TRIM24: variants seen among roughly 807,000 people sequenced by gnomAD.
TRIM24 encodes tripartite motif containing 24, also known as transcription intermediary factor 1-alpha.
TRIM24 carries 29 observed loss-of-function variants against 123.9 expected under a neutral mutation model. The ratio of observed to expected loss-of-function variants is 0.23; its 90% confidence interval spans 0.17 to 0.32. The LOEUF (loss-of-function observed/expected upper bound fraction) is 0.32, where lower values mean the gene tolerates loss of function less well. Ranked by LOEUF, TRIM24 falls within the 10% of genes least tolerant of loss-of-function variation. TRIM24 has a pLI of 1.00. For synonymous variants in TRIM24, 456 were observed against 461.1 expected (o/e 0.99, Z 0.14); for missense variants, 932 against 1,295.3 (o/e 0.72, Z 4.31).
Position 138,583,901 on chromosome 7 carries a change from A to T in TRIM24, c.2845A>T (p.Lys949Ter), listed in dbSNP as rs1337807458. Residue 949 changes from lysine (K) to a stop codon, truncating the protein, a stop_gained, in exon 18 of 19, where the codon AAG becomes TAG. Coordinates refer to ENST00000343526, the MANE Select transcript of TRIM24 (RefSeq NM_015905.3). LOFTEE classifies it high-confidence loss of function. ...AAATCCAATGGATTTGTCAACCATC[A>T]AGAAAAGACTACAAGAAGATTATTC... ...IKNPMDLSTI[K>*]KRLQEDYSMY... 1 of 1,600,316 alleles carries T rather than the reference A, an allele frequency of 6.2e-7. No homozygotes were observed. The highest frequency in any genetic ancestry group is 8.5e-7 in the Non-Finnish European group (1 of 1,174,982).
rs1467648650 is a variant in TRIM24 at position 138,529,169 on chromosome 7, C to T, written c.935C>T (p.Ala312Val). The T allele has an allele frequency of 1.3e-6, 2 of 1,578,780 alleles. No homozygotes were observed. The highest frequency in any genetic ancestry group is 8.6e-7 in the Non-Finnish European group (1 of 1,166,076). Reference sequence around the variant, plus strand: ...CAGGTGGAACAGGATATTAAAGTTGCTATATTTACACTGATGGTAGAAATA... The same window carrying T: ...CAGGTGGAACAGGATATTAAAGTTGTTATATTTACACTGATGGTAGAAATA... ...QKQVEQDIKV[A>V]IFTLMVEINK... The change falls in exon 6 of 19, where the codon GCT (alanine) becomes GTT (valine). Residue 312 changes from alanine to valine, a missense_variant. Physicochemically the swap from Ala to Val is moderately conservative, Grantham distance 64. Around this residue, in one of 7 missense-constraint regions of TRIM24, gnomAD observed 527 missense variants for 691.3 expected, o/e 0.76. Coordinates refer to ENST00000343526, the MANE Select transcript of TRIM24 (RefSeq NM_015905.3).
At chr7:138,521,713 A>G (rs1457061092) in intron 4 of TRIM24, among the ~76,000 whole-genome samples, 1 of 152,224 alleles carries the variant, frequency 6.6e-6, no homozygotes, top group East Asian at 1.9e-4. Flanking sequence ...TTTATGAGAA[A>G]TATCTAAAAA....
chr7:138,524,016 G>C (rs1796559533), intron 4 of TRIM24, among the ~76,000 whole-genome samples: 1 of 151,940 alleles, frequency 6.6e-6, no homozygotes, highest in African/African-American at 2.4e-5. Flanking sequence ...TTTTGGGACA[G>C]TGTAATCACA....
intron 9 of TRIM24, among the ~76,000 whole-genome samples, chr7:138,561,728 C>T (rs2116650654): frequency 6.6e-6 from 1 of 152,290 alleles, no homozygotes; most frequent in East Asian, 1.9e-4. Context: ...CCTTTTCACT[C>T]ATGGACATAT....
chr7:138,584,546 GCTTTTA>G (rs1293986386), intron 18 of TRIM24, among the ~76,000 whole-genome samples, 190 bp from the exon 19 acceptor site: 4 of 152,152 alleles, frequency 2.6e-5, no homozygotes, highest in African/African-American at 9.6e-5. Flanking sequence ...AATAATCCAG[GCTTTTA>G]CTTTTATCTT....
intron 1 of TRIM24, among the ~76,000 whole-genome samples, chr7:138,486,741 C>T (rs1184104749): frequency 6.6e-6 from 1 of 152,104 alleles, no homozygotes; most frequent in Non-Finnish European, 1.5e-5. Context: ...TTACTGTAGC[C>T]TTGTAGTGTA....
intron 2 of TRIM24, among the ~76,000 whole-genome samples, chr7:138,510,226 G>A (rs1796256807): frequency 6.6e-6 from 1 of 152,196 alleles, no homozygotes; most frequent in Non-Finnish European, 1.5e-5. Flanking sequence ...TGTTAGACTC[G>A]AATGTGAAAC....
At chr7:138,468,489 A>G (rs947864013) in intron 1 of TRIM24, among the ~76,000 whole-genome samples, 1 of 151,234 alleles carries the variant, frequency 6.6e-6, no homozygotes, top group African/African-American at 2.4e-5. Flanking sequence ...ATGTGTTTGA[A>G]TGGTATATTT....
chr7:138,502,480 G>A (rs1796063176), intron 1 of TRIM24, among the ~76,000 whole-genome samples: 1 of 152,170 alleles, frequency 6.6e-6, no homozygotes, highest in East Asian at 1.9e-4. Context: ...TCAATGAAGA[G>A]GGCTAATCTA....
chr7:138,481,078 T>C (rs918225603), intron 1 of TRIM24, among the ~76,000 whole-genome samples: 2 of 152,112 alleles, frequency 1.3e-5, no homozygotes, highest in African/African-American at 4.8e-5. Context: ...CTGCAACCTC[T>C]GACCCCCAGG....
intron 2 of TRIM24, among the ~76,000 whole-genome samples, chr7:138,513,453 G>A (rs1796330349): frequency 6.6e-6 from 1 of 152,142 alleles, no homozygotes; most frequent in South Asian, 2.1e-4. Context: ...ATTGGCCCAT[G>A]GTTCTTCAGG....
At chr7:138,584,096 A>G in intron 18 of TRIM24, 97 bp downstream of exon 18, 1 of 1,367,628 alleles carries the variant, frequency 7.3e-7, no homozygotes, top group Non-Finnish European at 9.8e-7. Flanking sequence ...AAGATGTCTG[A>G]GTTAGAATAA....
At chr7:138,481,029 G>T (rs181265332) in intron 1 of TRIM24, among the ~76,000 whole-genome samples, 1 of 151,616 alleles carries the variant, frequency 6.6e-6, no homozygotes, top group African/African-American at 2.4e-5. Context: ...TTTCACTCTT[G>T]TTGCTCAGGC....
Position 138,585,043 on chromosome 7 carries a change from G to GTCACAAACTCTTC in TRIM24, c.*93_*94insCACAAACTCTTCT. ...ATTTAACATCACTACAAAAAGAAGA[G>GTCACAAACTCTTC]TTTGTGACTATTCTCATCTCTGTTT... On this transcript the variant is annotated 3_prime_UTR_variant, in exon 19 of 19. Transcript: ENST00000343526. 8.9e-7 allele frequency: 1 copy of GTCACAAACTCTTC among 1,123,980 alleles called. No individual in the cohort carries two copies. Among genetic ancestry groups the GTCACAAACTCTTC allele is most frequent in the Non-Finnish European group, 1.3e-6 (1 of 795,880 alleles). 69.6% of individuals were successfully genotyped at this position (1,123,980 alleles called of 1,614,324 possible).
At chr7:138,516,596 C>A (rs540211256) in intron 3 of TRIM24, among the ~76,000 whole-genome samples, 260 of 152,208 alleles carry the variant, frequency 1.7e-3, no homozygotes, top group African/African-American at 6.0e-3. Flanking sequence ...CTCAAGTAAT[C>A]CGCCAGCCTT....
In TRIM24 at chr7:138,586,063, A is replaced by AAT. The variant is rs1477977406; in HGVS notation, c.*1113_*1114dup. The AAT allele has an allele frequency of 2.4e-6, 1 of 419,394 alleles. No individual in the cohort carries two copies. The highest frequency in any genetic ancestry group is 2.1e-5 in the African/African-American group (1 of 48,646). The allele number at this position is 419,394 out of a possible 1,614,324, so 26.0% of individuals were successfully genotyped here. A position where few individuals can be genotyped will look rare whatever the true frequency, so the allele number is the denominator to read the frequency against. On this transcript the variant is annotated 3_prime_UTR_variant, in exon 19 of 19. Transcript: ENST00000343526. ...TTTTGAGAGTCAGAACATCAAACTT[A>AAT]ATCTTTGATCTGACTTCTGATTTTA... is the stretch of plus-strand genomic sequence containing the variant.
At chr7:138,534,627 C>T (rs1210450377) in intron 6 of TRIM24, among the ~76,000 whole-genome samples, 4 of 152,226 alleles carry the variant, frequency 2.6e-5, no homozygotes, top group South Asian at 2.1e-4. Context: ...GAGTGCATTA[C>T]TTCCAACTGT....
At chr7:138,516,369 T>G (rs1308204025) in intron 3 of TRIM24, among the ~76,000 whole-genome samples, 1 of 152,196 alleles carries the variant, frequency 6.6e-6, no homozygotes, top group Non-Finnish European at 1.5e-5. Context: ...CTAACCTATT[T>G]TCTTTTTGTT....
chr7:138,540,201 T>C (rs1029402940), intron 7 of TRIM24, among the ~76,000 whole-genome samples: 2 of 152,214 alleles, frequency 1.3e-5, no homozygotes, highest in African/African-American at 4.8e-5. Flanking sequence ...TTGTAGTTGC[T>C]GAAGGTTGGG....
Sources: gnomAD v4.1 joint callset for allele counts (sites outside exome capture counted in the v4.1 genomes callset) on GRCh38, gnomAD v4.1.1 for gene constraint, gnomAD v4.1.1 regional missense constraint, MANE v1.5 for transcripts, NCBI Gene and HGNC (gene_info 2026-07-23, HGNC 2026-07-21) for gene names.